FMN2: variants seen among roughly 807,000 people sequenced by gnomAD.
FMN2 encodes the protein formin 2.
A neutral mutation model predicts 142.3 loss-of-function variants in FMN2; 51 were observed. The ratio of observed to expected loss-of-function variants is 0.36; its 90% confidence interval spans 0.29 to 0.45. The LOEUF (loss-of-function observed/expected upper bound fraction) is 0.45, where lower values mean the gene tolerates loss of function less well. FMN2 is among the 20% of genes least tolerant of loss of function. The pLI, the probability that FMN2 is intolerant of heterozygous loss-of-function variation, is 1.00. For synonymous variants in FMN2, 882 were observed against 869.8 expected, an observed-to-expected ratio of 1.01 and a Z score of -0.25; for missense variants, 1,936 against 2,122.8, an observed-to-expected ratio of 0.91 and a Z score of 1.73.
chr1:240,352,007 C>G (rs1337904757), intron 13 of FMN2, among the ~76,000 whole-genome samples: 1 of 152,160 alleles, frequency 6.6e-6, no homozygotes, highest in East Asian at 1.9e-4. Context: ...ATAATTGTGA[C>G]CAGTAATGAA....
chr1:240,275,714 T>A lies in FMN2; in HGVS notation c.4153+17682T>A, dbSNP rs555319224. Among the ~76,000 whole-genome samples the A allele has an allele frequency of 2.8e-3, 423 of 152,308 alleles. 1 individual carries two copies. Among genetic ancestry groups the A allele is most frequent in the Non-Finnish European group, 4.9e-3 (334 of 68,030 alleles). ...CTAATTTACACTCTCACCAACAGTG[T>A]AAAAGCATTCCTTTTCTCCACATCC... is the stretch of plus-strand genomic sequence containing the variant. On this transcript the variant is annotated intron_variant, in intron 7 of 17. Transcript: ENST00000319653.
intron 14 of FMN2, among the ~76,000 whole-genome samples, chr1:240,378,136 C>T (rs566435744): frequency 6.6e-6 from 1 of 151,026 alleles, no homozygotes; most frequent in South Asian, 2.1e-4. Flanking sequence ...TTTTTTGTTT[C>T]TTTTTTTTAT....
At chr1:240,157,056 T>C (rs1664053500) in intron 2 of FMN2, among the ~76,000 whole-genome samples, 1 of 152,206 alleles carries the variant, frequency 6.6e-6, no homozygotes, top group African/African-American at 2.4e-5. Flanking sequence ...AAAAACTTTA[T>C]TTCTTAGCAA....
chr1:240,388,819 G>A (rs1478433384), intron 14 of FMN2, among the ~76,000 whole-genome samples: 2 of 140,644 alleles, frequency 1.4e-5, no homozygotes, highest in African/African-American at 5.3e-5. Context: ...CCGAGATCTC[G>A]CCATTGGACT....
At chr1:240,187,185 G>A (rs1428355107) in intron 3 of FMN2, among the ~76,000 whole-genome samples, 1 of 145,046 alleles carries the variant, frequency 6.9e-6, no homozygotes, top group Admixed American at 7.1e-5. Flanking sequence ...CAGGAGAATC[G>A]CTTGAACCCA....
At chr1:240,455,332 G>A (rs541088920) in intron 16 of FMN2, among the ~76,000 whole-genome samples, 3 of 152,222 alleles carry the variant, frequency 2.0e-5, no homozygotes, top group African/African-American at 7.2e-5. Context: ...AGAAAACATC[G>A]CAAGATCCCC....
chr1:240,151,870 G>A (rs1026195833), intron 2 of FMN2, among the ~76,000 whole-genome samples: 2 of 152,008 alleles, frequency 1.3e-5, no homozygotes, highest in African/African-American at 4.8e-5. Context: ...AGGTTCAAGC[G>A]ATCCTCCCAC....
chr1:240,257,919 C>G (rs746046259), intron 6 of FMN2, 26 bp from the exon 7 acceptor site: 7 of 1,594,478 alleles, frequency 4.4e-6, no homozygotes, highest in Non-Finnish European at 6.0e-6. Context: ...TTAACATTTT[C>G]CCCTTTTACT....
intron 3 of FMN2, chr1:240,179,740 G>A (rs1665075372): frequency 6.6e-6 from 1 of 152,544 alleles, no homozygotes; most frequent in African/African-American, 2.4e-5. Flanking sequence ...CTCTATTTAT[G>A]ATAACATTTA....
At chr1:240,472,331 A>G (rs765701338) in intron 16 of FMN2, 41 bp from the exon 17 acceptor site, 2 of 1,465,458 alleles carry the variant, frequency 1.4e-6, no homozygotes, top group East Asian at 2.3e-5. Flanking sequence ...GAGGTGATCT[A>G]AGTAGGTTTT....
At chr1:240,221,064 T>C (rs1667094422) in intron 6 of FMN2, among the ~76,000 whole-genome samples, 1 of 152,212 alleles carries the variant, frequency 6.6e-6, no homozygotes, top group South Asian at 2.1e-4. Flanking sequence ...TTTTTATGGC[T>C]GCATTGTATT....
In FMN2 at chr1:240,331,606, A is replaced by G. The variant is rs187439543; in HGVS notation, c.4584+857A>G. 6.8e-3 allele frequency among the ~76,000 whole-genome samples: 1,035 copies of G among 152,210 alleles called. 4 individuals carry two copies. The highest frequency in any genetic ancestry group is 0.024 in the South Asian group (116 of 4,814). ...AATGAAATAATTTCCTTCATGGGGGAGAGAGAGACTTTTAAAAATCTTTTC... is the reference window on the plus strand; with the variant it reads ...AATGAAATAATTTCCTTCATGGGGGGGAGAGAGACTTTTAAAAATCTTTTC... On this transcript the variant is annotated intron_variant, in intron 11 of 17. Transcript: ENST00000319653.
chr1:240,293,845 G>A (rs1669874149), intron 7 of FMN2, among the ~76,000 whole-genome samples: 1 of 152,096 alleles, frequency 6.6e-6, no homozygotes, highest in African/African-American at 2.4e-5. Context: ...TCCATCCTGT[G>A]CTTCGATTTC....
intron 8 of FMN2, among the ~76,000 whole-genome samples, chr1:240,324,781 T>C (rs954765185): frequency 1.3e-5 from 2 of 148,790 alleles, no homozygotes; most frequent in African/African-American, 5.1e-5. Context: ...ATGACTATTT[T>C]AAACCTTGCA....
intron 13 of FMN2, among the ~76,000 whole-genome samples, chr1:240,351,056 TAGGAG>T (rs1324947088): frequency 6.6e-6 from 1 of 152,184 alleles, no homozygotes; most frequent in Non-Finnish European, 1.5e-5. Flanking sequence ...GACTGTCTCA[TAGGAG>T]ATGAGAGTAG....
intron 7 of FMN2, among the ~76,000 whole-genome samples, chr1:240,281,824 G>A (rs1359671257): frequency 6.6e-6 from 1 of 152,106 alleles, no homozygotes; most frequent in Non-Finnish European, 1.5e-5. Flanking sequence ...TACACTGACT[G>A]CTGGTTTGAA....
At chr1:240,132,659 G>C (rs78479647) in intron 2 of FMN2, among the ~76,000 whole-genome samples, 2,191 of 152,210 alleles carry the variant, frequency 0.014, 62 homozygotes, top group African/African-American at 0.05. Context: ...GGTTTGTCAG[G>C]GTCTGTGATG....
At chr1:240,384,358 T>G (rs1390352391) in intron 14 of FMN2, among the ~76,000 whole-genome samples, 1 of 152,196 alleles carries the variant, frequency 6.6e-6, no homozygotes, top group Non-Finnish European at 1.5e-5. Flanking sequence ...TGAACACAGT[T>G]CAGCCTCTTT....
chr1:240,359,178 C>T (rs1672380342), intron 14 of FMN2, among the ~76,000 whole-genome samples: 1 of 152,016 alleles, frequency 6.6e-6, no homozygotes, highest in Non-Finnish European at 1.5e-5. Flanking sequence ...CCTTTGCCCC[C>T]ATGTTTCTTC....
Sources: allele counts gnomAD v4.1 joint callset (sites outside exome capture counted in the v4.1 genomes callset), GRCh38; gene constraint gnomAD v4.1.1; transcripts MANE v1.5; gene names NCBI Gene and HGNC (gene_info 2026-07-23, HGNC 2026-07-21).